LGMN: variants seen among roughly 807,000 people sequenced by gnomAD.
The protein encoded by LGMN is asparaginyl endopeptidase.
In LGMN, 36 loss-of-function variants were observed where a neutral mutation model predicts 56.8. The ratio of observed to expected loss-of-function variants is 0.63; its 90% CI spans 0.49 to 0.84. The LOEUF (loss-of-function observed/expected upper bound fraction) is 0.84, where lower values mean the gene tolerates loss of function less well. LGMN is among the 40% of genes least tolerant of loss of function. The pLI is 0.00. For missense variants in LGMN, 446 were observed against 556.1 expected, an observed-to-expected ratio of 0.80 and a Z score of 1.99; for synonymous variants, 199 against 210.1, an observed-to-expected ratio of 0.95 and a Z score of 0.46.
At position 92,714,219 on chromosome 14, in the gene LGMN, A is replaced by G. The variant is rs1206286786; in HGVS notation, c.480+157T>C. ...GTCTGGAAGAGATGTCCTTGGATAG[A>G]TTTCAAGCTGCTAAACCTGTCCCCC... On this transcript the variant is annotated intron_variant, in intron 6 of 13. Coordinates refer to ENST00000334869, the MANE Select transcript of LGMN (RefSeq NM_005606.7). The surrounding 1 kb of genome is among the most constrained non-coding windows in gnomAD (Gnocchi z 5.1). Among the ~76,000 whole-genome samples the G allele has an allele frequency of 6.6e-6, 1 of 152,182 alleles. No individual in the cohort carries two copies. The highest frequency in any genetic ancestry group is 2.4e-5 in the African/African-American group (1 of 41,428).
chr14:92,714,323 A>T lies in LGMN; in HGVS notation c.480+53T>A. 2 of 1,257,322 alleles carry T rather than the reference A, an allele frequency of 1.6e-6. No homozygotes were observed. Among genetic ancestry groups the T allele is most frequent in the Non-Finnish European group, 2.3e-6 (2 of 859,190 alleles). The allele number at this position is 1,257,322 out of a possible 1,614,324, so 77.9% of individuals were successfully genotyped here. ...CGCTATGGGTTTAATCTCGACACCT[A>T]GGCTTGCTTTTCTGTTCTGCTAGTT... On this transcript the variant is annotated intron_variant, in intron 6 of 13. Coordinates refer to ENST00000334869, the MANE Select transcript of LGMN (RefSeq NM_005606.7). This position sits in a 1 kb window ranked among gnomAD's most constrained non-coding sequence, Gnocchi z 5.1.
At chr14:92,746,577 C>T (rs935345053) in intron 1 of LGMN, among the ~76,000 whole-genome samples, 5 of 152,192 alleles carry the variant, frequency 3.3e-5, no homozygotes, top group Non-Finnish European at 7.3e-5. Flanking sequence ...CAATGACCTC[C>T]GTATCCTTAG....
chr14:92,746,198 A>G (rs922526333), intron 1 of LGMN, among the ~76,000 whole-genome samples: 13 of 152,204 alleles, frequency 8.5e-5, no homozygotes, highest in African/African-American at 3.1e-4. Flanking sequence ...TGAACATACA[A>G]TGATCTAATT....
chr14:92,738,425 C>A (rs2140274214), intron 1 of LGMN, among the ~76,000 whole-genome samples: 1 of 151,778 alleles, frequency 6.6e-6, no homozygotes, highest in Admixed American at 6.5e-5. Context: ...ACTACAGGCG[C>A]CACCACCATG....
chr14:92,737,558 G>A (rs993089703), intron 1 of LGMN, among the ~76,000 whole-genome samples: 2 of 152,156 alleles, frequency 1.3e-5, no homozygotes, highest in South Asian at 2.1e-4. Flanking sequence ...AAGCTAACAC[G>A]TGGACACCCC....
intron 2 of LGMN, among the ~76,000 whole-genome samples, chr14:92,724,614 G>A (rs546528351): frequency 1.3e-5 from 2 of 152,314 alleles, no homozygotes; most frequent in South Asian, 4.2e-4. Context: ...GGTCATATTC[G>A]AGAGGAGGGT....
chr14:92,731,416 A>G (rs960488432), intron 2 of LGMN, among the ~76,000 whole-genome samples: 1 of 152,252 alleles, frequency 6.6e-6, no homozygotes, highest in African/African-American at 2.4e-5. Flanking sequence ...GAGCATTCTC[A>G]TTCCTGCAAA....
chr14:92,704,684 CA>C lies in LGMN; in HGVS notation c.1214del (p.Leu405CysfsTer17). 1.2e-6 allele frequency: 2 copies of C among 1,613,560 alleles called. No individual in the cohort carries two copies. The highest frequency in any genetic ancestry group is 1.7e-6 in the Non-Finnish European group (2 of 1,179,454). The stretch of plus-strand genomic sequence containing the variant: ...TCTCACAAAGGTTGACCAGCACGTA[CA>C]AATGTCTCAACGCATACTCGTACTG... ...SPTYEYALRH[L>X]YVLVNLCEKP... On this transcript the variant is annotated frameshift_variant, in exon 13 of 14. Coordinates refer to ENST00000334869, the MANE Select transcript of LGMN (RefSeq NM_005606.7). LOFTEE classifies it high-confidence loss of function.
chr14:92,741,204 A>G (rs1891539000), intron 1 of LGMN: 1 of 152,146 alleles, frequency 6.6e-6, no homozygotes, highest in Non-Finnish European at 1.5e-5. Context: ...AAAAAAAAAA[A>G]AAGACTTCAC....
At chr14:92,718,486 A>T (rs1217069203) in intron 3 of LGMN, among the ~76,000 whole-genome samples, 1 of 152,042 alleles carries the variant, frequency 6.6e-6, no homozygotes, top group African/African-American at 2.4e-5. Flanking sequence ...AGGTGGGAGG[A>T]TCACTTGAAC....
At chr14:92,739,032 C>CA (rs888576314) in intron 1 of LGMN, among the ~76,000 whole-genome samples, 4 of 145,814 alleles carry the variant, frequency 2.7e-5, no homozygotes, top group South Asian at 2.2e-4. Context: ...AAAAAAAAAA[C>CA]AAAAAAAACC....
At chr14:92,739,841 C>G (rs942350830) in intron 1 of LGMN, among the ~76,000 whole-genome samples, 2 of 152,312 alleles carry the variant, frequency 1.3e-5, no homozygotes, top group African/African-American at 4.8e-5. Context: ...TCGTAACGTG[C>G]CAAGACTGGA....
intron 1 of LGMN, among the ~76,000 whole-genome samples, chr14:92,740,826 T>A (rs1343836306): frequency 6.6e-6 from 1 of 152,236 alleles, no homozygotes; most frequent in Non-Finnish European, 1.5e-5. Flanking sequence ...AGTCCTCTGC[T>A]GTTCCCACTC....
At chr14:92,726,237 CAAAA>C (rs371855377) in intron 2 of LGMN, among the ~76,000 whole-genome samples, 1 of 117,962 alleles carries the variant, frequency 8.5e-6, no homozygotes, top group African/African-American at 3.2e-5. Context: ...GGCTCTGTCT[CAAAA>C]AAAAAAAAAA....
chr14:92,732,722 T>A lies in LGMN; in HGVS notation c.65A>T (p.Asp22Val), dbSNP rs775619215. 6.2e-7 allele frequency: 1 copy of A among 1,614,136 alleles called. No individual in the cohort carries two copies. Among genetic ancestry groups the A allele is most frequent in the Non-Finnish European group, 8.5e-7 (1 of 1,180,012 alleles). ...CCAGTGCTTGCCTCCATCTTCAGGATCATCTATAGGAACGGCACCAATGCC... is the reference window on the plus strand; with the variant it reads ...CCAGTGCTTGCCTCCATCTTCAGGAACATCTATAGGAACGGCACCAATGCC... ...ALGIGAVPID[D>V]PEDGGKHWVV... Residue 22 changes from aspartate (D) to valine (V), a missense_variant, in exon 2 of 14, where the codon GAT (aspartate) becomes GTT (valine). Coordinates refer to ENST00000334869, the MANE Select transcript of LGMN (RefSeq NM_005606.7).
intron 2 of LGMN, among the ~76,000 whole-genome samples, chr14:92,720,381 A>G (rs754688451): frequency 2.0e-5 from 3 of 152,232 alleles, no homozygotes; most frequent in Admixed American, 6.5e-5. Context: ...GATCCCAGGC[A>G]TTCTGGCCAG....
At chr14:92,725,613 T>G (rs1890704140) in intron 2 of LGMN, among the ~76,000 whole-genome samples, 1 of 151,906 alleles carries the variant, frequency 6.6e-6, no homozygotes, top group South Asian at 2.1e-4. Context: ...TCTCACTCTG[T>G]CACCCAGGCT....
chr14:92,705,976 T>C (rs1395774116), intron 12 of LGMN, among the ~76,000 whole-genome samples: 2 of 152,196 alleles, frequency 1.3e-5, no homozygotes, highest in Admixed American at 6.5e-5. Context: ...GAAACAGACC[T>C]GTAGGCCAGT....
intron 7 of LGMN, among the ~76,000 whole-genome samples, 182 bp downstream of exon 7, chr14:92,713,641 A>G (rs1889912933): frequency 6.6e-6 from 1 of 152,198 alleles, no homozygotes; most frequent in Admixed American, 6.5e-5. Flanking sequence ...CAAGCTCTCC[A>G]TGATTCCAGT....
Sources: allele counts gnomAD v4.1 joint callset (sites outside exome capture counted in the v4.1 genomes callset), GRCh38; gene constraint gnomAD v4.1.1; non-coding constraint Gnocchi (gnomAD v3.1); transcripts MANE v1.5; gene names NCBI Gene and HGNC (gene_info 2026-07-23, HGNC 2026-07-21).